SMTN: variants seen among roughly 807,000 people sequenced by gnomAD.
The protein encoded by SMTN is smoothelin.
A neutral mutation model predicts 102.0 loss-of-function variants in SMTN; 58 were observed. The observed-to-expected ratio is 0.57, with a 90% CI of 0.46 to 0.71. The LOEUF is 0.71. Ranked by LOEUF, SMTN falls within the 30% of genes least tolerant of loss-of-function variation. The pLI is 0.00. For missense variants in SMTN, 1,185 were observed against 1,241.7 expected, an observed-to-expected ratio of 0.95 and a Z score of 0.69; for synonymous variants, 478 against 497.9, an observed-to-expected ratio of 0.96 and a Z score of 0.53.
chr22:31,099,657 C>T, intron 18 of SMTN, 88 bp from the exon 19 acceptor site: 1 of 1,469,356 alleles, frequency 6.8e-7, no homozygotes, highest in Non-Finnish European at 9.3e-7. Flanking sequence ...TGCCCAGTGC[C>T]CTAGGTCTGG....
In SMTN at chr22:31,097,342, A is replaced by G; in HGVS notation, c.2159+4A>G. ...CCTCATCCAAGAAGATGGGCAGGTG[A>G]GCACCAGCACCCAATCCCTGACCAT... On this transcript the variant is annotated splice_donor_region_variant and intron_variant, in intron 16 of 20. Coordinates refer to ENST00000333137, the MANE Select transcript of SMTN (RefSeq NM_134269.3). 1.2e-6 allele frequency: 2 copies of G among 1,613,482 alleles called. No individual in the cohort carries two copies. The highest frequency in any genetic ancestry group is 8.5e-7 in the Non-Finnish European group (1 of 1,179,454).
intron 1 of SMTN, chr22:31,067,099 C>T (rs550024833): frequency 6.6e-6 from 1 of 152,000 alleles, no homozygotes; most frequent in Non-Finnish European, 1.5e-5. Flanking sequence ...TATTTAGAGA[C>T]AGAGTCTGTC....
chr22:31,085,034 G>T (rs1054188059), intron 2 of SMTN: 39 of 1,509,718 alleles, frequency 2.6e-5, no homozygotes, highest in Non-Finnish European at 3.4e-5. Flanking sequence ...AGTCGCTTCC[G>T]GCCCCGGCTC....
chr22:31,079,792 C>A (rs1441821735), upstream of SMTN, among the ~76,000 whole-genome samples: 1 of 152,208 alleles, frequency 6.6e-6, no homozygotes, highest in African/African-American at 2.4e-5. Context: ...GAGACAGAAT[C>A]TTGCTCTGTC....
At chr22:31,087,601 G>T (rs2042791076) in intron 2 of SMTN, among the ~76,000 whole-genome samples, 1 of 152,208 alleles carries the variant, frequency 6.6e-6, no homozygotes, top group African/African-American at 2.4e-5. Flanking sequence ...GACCCACAGG[G>T]TGGCCTCCCT....
intron 1 of SMTN, among the ~76,000 whole-genome samples, chr22:31,081,986 C>A (rs1225828700): frequency 6.6e-6 from 1 of 152,080 alleles, no homozygotes; most frequent in African/African-American, 2.4e-5. Flanking sequence ...TCTGAGCCTA[C>A]CAGGATGGGA....
chr22:31,091,350 C>A lies in SMTN; in HGVS notation c.1327C>A (p.Pro443Thr). ...PVARSEEPGA[P>T]LPVAVGTAEP... Reference sequence around the variant, plus strand: ...GGCACGTTCAGAGGAGCCTGGTGCCCCGCTGCCCGTGGCCGTCGGCACTGC... The same window carrying A: ...GGCACGTTCAGAGGAGCCTGGTGCCACGCTGCCCGTGGCCGTCGGCACTGC... Residue 443 changes from proline (P) to threonine (T), a missense_variant, in exon 10 of 21, where the codon CCG (proline) becomes ACG (threonine). Pro to Thr is a conservative substitution (Grantham distance 38). Coordinates refer to ENST00000333137, the MANE Select transcript of SMTN (RefSeq NM_134269.3). 6.2e-7 allele frequency: 1 copy of A among 1,606,424 alleles called. No homozygotes were observed. Among genetic ancestry groups the A allele is most frequent in the Non-Finnish European group, 8.5e-7 (1 of 1,178,478 alleles).
intron 19 of SMTN, 45 bp from the exon 20 acceptor site, chr22:31,100,840 C>T (rs774503856): frequency 1.3e-6 from 1 of 785,800 alleles, no homozygotes; most frequent in Non-Finnish European, 2.1e-6. Context: ...GCCCTGGCCT[C>T]CTGCCCCCGT....
intron 11 of SMTN, among the ~76,000 whole-genome samples, chr22:31,093,125 G>C (rs1215188133): frequency 6.6e-6 from 1 of 152,226 alleles, no homozygotes; most frequent in Non-Finnish European, 1.5e-5. Context: ...ATGGGGCCCC[G>C]ATCTCAGTGA....
Position 31,091,176 on chromosome 22 carries a change from G to C in SMTN, c.1153G>C (p.Gly385Arg). The change falls in exon 10 of 21, where the codon GGC (glycine) becomes CGC (arginine). Residue 385 changes from glycine (G) to arginine (R), a missense_variant. By Grantham distance (125) the Gly-to-Arg change is moderately radical. Transcript: ENST00000333137. Reference protein sequence around the residue: ...ASSSSGSSSRGPSDTSSRFSK... With the variant: ...ASSSSGSSSRRPSDTSSRFSK... Reference sequence around the variant, plus strand: ...CTCCTCCAGCGGCTCCTCCTCTCGGGGCCCCAGTGATACCTCCTCCCGGTT... The same window carrying C: ...CTCCTCCAGCGGCTCCTCCTCTCGGCGCCCCAGTGATACCTCCTCCCGGTT... 1 of 1,613,528 alleles carries C rather than the reference G, an allele frequency of 6.2e-7. No homozygotes were observed. Among genetic ancestry groups the C allele is most frequent in the Non-Finnish European group, 8.5e-7 (1 of 1,179,782 alleles).
At chr22:31,081,118 G>A (rs1448712663), upstream of SMTN, among the ~76,000 whole-genome samples, 1 of 151,928 alleles carries the variant, frequency 6.6e-6, no homozygotes, top group African/African-American at 2.4e-5. Flanking sequence ...TAAAGCCACC[G>A]AGGCAGACGA....
chr22:31,083,312 A>G lies in SMTN; in HGVS notation c.51+3A>G, dbSNP rs1417692864. The G allele has an allele frequency of 1.3e-6, 2 of 1,560,698 alleles. No individual in the cohort carries two copies. Among genetic ancestry groups the G allele is most frequent in the South Asian group, 2.4e-5 (2 of 83,294 alleles). On this transcript the variant is annotated splice_donor_region_variant and intron_variant, in intron 2 of 20. Transcript: ENST00000333137. ...ATGAGGGAGCCCTTCGGAAGCTGGT[A>G]AGTGGCCCCATCACCCACTGTGGGG...
In SMTN at chr22:31,098,219, T is replaced by C. The variant is rs1169351062; in HGVS notation, c.2160-448T>C. 2.0e-5 allele frequency among the ~76,000 whole-genome samples: 3 copies of C among 152,318 alleles called. No individual in the cohort carries two copies. The East Asian group carries it at 5.8e-4, about 29-fold the overall frequency. On this transcript the variant is annotated intron_variant, in intron 16 of 20. Coordinates refer to ENST00000333137, the MANE Select transcript of SMTN (RefSeq NM_134269.3). ...CACGTCCTCTGAAATCTTAGGCAAGTTACTGCCAGAGGTCTCAGTTTCCTC... is the reference window on the plus strand; with the variant it reads ...CACGTCCTCTGAAATCTTAGGCAAGCTACTGCCAGAGGTCTCAGTTTCCTC...
intron 1 of SMTN, among the ~76,000 whole-genome samples, chr22:31,074,876 G>A (rs1006878782): frequency 3.9e-5 from 6 of 152,324 alleles, no homozygotes; most frequent in African/African-American, 1.4e-4. Context: ...GGGGGCTATT[G>A]TGAGAATTGA....
At chr22:31,073,403 G>A (rs1046103864) in intron 1 of SMTN, among the ~76,000 whole-genome samples, 4 of 152,178 alleles carry the variant, frequency 2.6e-5, no homozygotes, top group African/African-American at 9.7e-5. Flanking sequence ...GTAGAGTCAC[G>A]TGACTACATA....
chr22:31,072,941 C>T (rs961414540), intron 1 of SMTN, among the ~76,000 whole-genome samples: 2 of 150,490 alleles, frequency 1.3e-5, no homozygotes, highest in Non-Finnish European at 2.9e-5. Flanking sequence ...GCCTCAAATT[C>T]TTTACCTATA....
At chr22:31,100,104 C>T (rs981354896) in intron 19 of SMTN, among the ~76,000 whole-genome samples, 3 of 151,916 alleles carry the variant, frequency 2.0e-5, no homozygotes, top group Non-Finnish European at 4.4e-5. Flanking sequence ...ACGAAGGAGC[C>T]GCAGGCCGGC....
chr22:31,089,207 G>A (rs1479217630), intron 6 of SMTN, among the ~76,000 whole-genome samples: 1 of 152,164 alleles, frequency 6.6e-6, no homozygotes, highest in Admixed American at 6.5e-5. Context: ...TCTTTACCTT[G>A]GCTTATGGGG....
intron 15 of SMTN, 45 bp downstream of exon 15, chr22:31,097,105 C>T: frequency 2.5e-6 from 4 of 1,584,458 alleles, no homozygotes; most frequent in Non-Finnish European, 2.6e-6. Flanking sequence ...CCTGTCCGCC[C>T]ACCTCCTCCG....
Sources: gnomAD v4.1 joint callset for allele counts (sites outside exome capture counted in the v4.1 genomes callset) on GRCh38, gnomAD v4.1.1 for gene constraint, MANE v1.5 for transcripts, NCBI Gene and HGNC (gene_info 2026-07-23, HGNC 2026-07-21) for gene names.